STAT2: variants seen among roughly 807,000 people sequenced by gnomAD.
STAT2 encodes the protein interferon alpha induced transcriptional activator.
In STAT2, 51 loss-of-function variants were observed where a neutral mutation model predicts 122.3. That is an observed-to-expected ratio of 0.42 (90% CI 0.33 to 0.53). The LOEUF (loss-of-function observed/expected upper bound fraction) is 0.53, where lower values mean the gene tolerates loss of function less well. Among genes scored for constraint, STAT2 ranks in the 20% least tolerant of loss-of-function variants. The pLI, the probability that STAT2 is intolerant of heterozygous loss-of-function variation, is 0.10. For missense variants in STAT2, 736 were observed against 1,010.3 expected, an observed-to-expected ratio of 0.73 and a Z score of 3.68; for synonymous variants, 351 against 394.9, an observed-to-expected ratio of 0.89 and a Z score of 1.32.
intron 18 of STAT2, 29 bp downstream of exon 18, chr12:56,348,723 C>T (rs1230752782): frequency 1.2e-6 from 2 of 1,613,850 alleles, no homozygotes; most frequent in African/African-American, 2.7e-5. Context: ...GGGCTAGATC[C>T]AGCAGCTCCA....
At chr12:56,350,307 A>G (rs4759016) in intron 12 of STAT2, 105 bp downstream of exon 12, 13 of 1,449,502 alleles carry the variant, frequency 9.0e-6, no homozygotes, top group Non-Finnish European at 1.1e-5. Context: ...CTTTGTCCAT[A>G]TCCCAAATCC....
intron 1 of STAT2, among the ~76,000 whole-genome samples, chr12:56,358,131 ATG>A (rs1213169512): frequency 6.6e-6 from 1 of 151,636 alleles, no homozygotes; most frequent in Non-Finnish European, 1.5e-5. Context: ...TTTTGCATTT[ATG>A]TGTGTGTTTG....
chr12:56,343,485 G>T lies in STAT2; in HGVS notation c.2460C>A (p.Asp820Glu). Residue 820 changes from aspartate (D) to glutamate (E), a missense_variant, in exon 24 of 24, where the codon GAC becomes GAA. Physicochemically the swap from Asp to Glu is conservative, Grantham distance 45 (BLOSUM62 2). Coordinates refer to ENST00000314128, the MANE Select transcript of STAT2 (RefSeq NM_005419.4). ...VKIEEIMPNG[D>E]PLLAGQNTVD... ...CGGTGTTCTGGCCAGCCAACAGTGG[G>T]TCACCATTCGGCATGATTTCTTCAA... is the stretch of plus-strand genomic sequence containing the variant. The T allele has an allele frequency of 6.2e-7, 1 of 1,614,164 alleles. No individual in the cohort carries two copies. Among genetic ancestry groups the T allele is most frequent in the African/African-American group, 1.3e-5 (1 of 75,032 alleles).
intron 6 of STAT2, 96 bp downstream of exon 6, chr12:56,355,180 G>GT (rs1879308777): frequency 1.4e-6 from 2 of 1,420,532 alleles, no homozygotes; most frequent in South Asian, 2.4e-5. Context: ...GTGTCTGACA[G>GT]TGACTACTGC....
intron 8 of STAT2, 109 bp from the exon 9 acceptor site, chr12:56,351,559 G>GAAAA: frequency 2.6e-6 from 3 of 1,171,818 alleles, no homozygotes; most frequent in Non-Finnish European, 1.2e-6. Context: ...TGACTGGGGG[G>GAAAA]AAGAAAAAAA....
Position 56,350,447 on chromosome 12 carries a change from A to G in STAT2, c.1095-15T>C. The G allele has an allele frequency of 1.9e-6, 3 of 1,596,184 alleles. No individual in the cohort carries two copies. The highest frequency in any genetic ancestry group is 1.4e-5 in the African/African-American group (1 of 73,928). ...GAGGAGGATTCCTGAAAAGAAATAAATTTAAAAAAATCATTGGGCAAAAGA... is the reference window on the plus strand; with the variant it reads ...GAGGAGGATTCCTGAAAAGAAATAAGTTTAAAAAAATCATTGGGCAAAAGA... On this transcript the variant is annotated splice_polypyrimidine_tract_variant and intron_variant, in intron 11 of 23. Coordinates refer to ENST00000314128, the MANE Select transcript of STAT2 (RefSeq NM_005419.4).
At chr12:56,359,301 C>G (rs914163152) in intron 1 of STAT2, among the ~76,000 whole-genome samples, 1 of 152,028 alleles carries the variant, frequency 6.6e-6, no homozygotes. Flanking sequence ...GGTGGCCAGG[C>G]ATGATGGCTC....
chr12:56,353,414 T>C (rs1190926822), intron 8 of STAT2, among the ~76,000 whole-genome samples: 3 of 152,144 alleles, frequency 2.0e-5, no homozygotes, highest in South Asian at 2.1e-4. Context: ...ATAACAGGCA[T>C]GAGACGCCAT....
In STAT2 at chr12:56,348,925, G is replaced by A. The variant is rs747571364; in HGVS notation, c.1575C>T (p.Phe525=). Reference sequence around the variant, plus strand: ...GCTGAGAGAAAAGGAAATCTGTACCGAACAGCTTGTTTCTCAGCATGCTCA... The same window carrying A: ...GCTGAGAGAAAAGGAAATCTGTACCAAACAGCTTGTTTCTCAGCATGCTCA... The part of the protein sequence containing the change: ...DQLSMLRNKL[F]GQNCRTEDPL... The change falls in exon 17 of 24, where the codon TTC becomes TTT. Residue 525 remains phenylalanine (F), a splice_region_variant and synonymous_variant. Transcript: ENST00000314128. The A allele has an allele frequency of 4.3e-6, 7 of 1,613,140 alleles. No homozygotes were observed. Among genetic ancestry groups the A allele is most frequent in the Admixed American group, 1.7e-5 (1 of 59,938 alleles).
chr12:56,358,103 A>G (rs569581732), intron 1 of STAT2, among the ~76,000 whole-genome samples: 25 of 152,042 alleles, frequency 1.6e-4, no homozygotes, highest in African/African-American at 5.1e-4. Flanking sequence ...TATTTCATCT[A>G]TCTCCCTAAT....
intron 22 of STAT2, among the ~76,000 whole-genome samples, chr12:56,344,348 T>C (rs1162827768): frequency 6.6e-6 from 1 of 152,198 alleles, no homozygotes; most frequent in Non-Finnish European, 1.5e-5. Context: ...CATCTATAAA[T>C]GAGAACAATA....
chr12:56,351,534 T>G (rs762618), intron 8 of STAT2, 84 bp from the exon 9 acceptor site: 1 of 1,462,788 alleles, frequency 6.8e-7, no homozygotes, highest in Non-Finnish European at 9.2e-7. Context: ...TGTAAATATG[T>G]GAAGAGTCAG....
At chr12:56,351,059 T>C (rs770023504) in intron 10 of STAT2, 39 bp downstream of exon 10, 45 of 1,592,608 alleles carry the variant, frequency 2.8e-5, no homozygotes, top group South Asian at 4.5e-5. Flanking sequence ...AGTGGCAGGG[T>C]TGGAAAAAGG....
intron 19 of STAT2, among the ~76,000 whole-genome samples, chr12:56,347,597 G>A (rs1877694956): frequency 6.6e-6 from 1 of 151,870 alleles, no homozygotes; most frequent in South Asian, 2.1e-4. Context: ...TCTCTCCTGG[G>A]TTCAAGCGAT....
chr12:56,349,321 T>G (rs1281135574), intron 15 of STAT2, 60 bp from the exon 16 acceptor site: 80 of 1,613,986 alleles, frequency 5.0e-5, no homozygotes, highest in Non-Finnish European at 6.8e-5. Context: ...AGGTATTTGT[T>G]AGAGGAAAGG....
intron 1 of STAT2, among the ~76,000 whole-genome samples, chr12:56,358,390 C>T (rs879570992): frequency 4.0e-5 from 6 of 151,880 alleles, no homozygotes; most frequent in African/African-American, 7.3e-5. Flanking sequence ...GGATTACAGG[C>T]GCCCACTACC....
At position 56,350,435 on chromosome 12, in the gene STAT2, G is replaced by A. The variant is rs1565653388; in HGVS notation, c.1095-3C>T. Reference sequence around the variant, plus strand: ...ACCCTTGTAATTGAGGAGGATTCCTGAAAAGAAATAAATTTAAAAAAATCA... The same window carrying A: ...ACCCTTGTAATTGAGGAGGATTCCTAAAAAGAAATAAATTTAAAAAAATCA... On this transcript the variant is annotated splice_polypyrimidine_tract_variant and splice_region_variant and intron_variant, in intron 11 of 23. Coordinates refer to ENST00000314128, the MANE Select transcript of STAT2 (RefSeq NM_005419.4). The A allele has an allele frequency of 4.4e-6, 7 of 1,604,902 alleles. No individual in the cohort carries two copies. The East Asian group carries it at 6.7e-5, about 15-fold the overall frequency.
intron 22 of STAT2, 45 bp from the exon 23 acceptor site, chr12:56,344,180 A>T: frequency 6.6e-7 from 1 of 1,522,194 alleles, no homozygotes. Flanking sequence ...CAGTGGTTCA[A>T]ATGAAATCAG....
Position 56,343,580 on chromosome 12 carries a change from C to A in STAT2, c.2414-49G>T. ...GAGGCCCCGATCTTAGTTAGGAGTT[C>A]CCAACCCAGCAGGGAAAGGGAGGGA... is the stretch of plus-strand genomic sequence containing the variant. On this transcript the variant is annotated intron_variant, in intron 23 of 23. Transcript: ENST00000314128. 2 of 1,591,034 alleles carry A rather than the reference C, an allele frequency of 1.3e-6. 1 individual carries two copies. Among genetic ancestry groups the A allele is most frequent in the South Asian group, 2.3e-5 (2 of 87,960 alleles).
Sources: gnomAD v4.1 joint callset for allele counts (sites outside exome capture counted in the v4.1 genomes callset) on GRCh38, gnomAD v4.1.1 for gene constraint, MANE v1.5 for transcripts, NCBI Gene and HGNC (gene_info 2026-07-23, HGNC 2026-07-21) for gene names.